The following FNDC3B variants were observed in gnomAD, a reference collection of about 807,000 sequenced individuals.
FNDC3B encodes fibronectin type III domain-containing protein 3B.
A neutral mutation model predicts 151.5 loss-of-function variants in FNDC3B; 12 were observed. That is an observed-to-expected ratio of 0.08 (90% confidence interval 0.05 to 0.13). FNDC3B has a LOEUF of 0.13. FNDC3B is among the 10% of genes least tolerant of loss of function. The pLI is 1.00. For synonymous variants in FNDC3B, 528 were observed against 549.0 expected (o/e 0.96, Z 0.54); for missense variants, 1,214 against 1,505.3 (o/e 0.81, Z 3.20).
In FNDC3B at chr3:172,401,652, CAG is replaced by C. The variant is rs1317002954; in HGVS notation, c.*4178_*4179del. 4 of 152,204 alleles carry C rather than the reference CAG, an allele frequency of 2.6e-5. No individual in the cohort carries two copies. The highest frequency in any genetic ancestry group is 9.7e-5 in the African/African-American group (4 of 41,436). The allele number at this position is 152,204 out of a possible 1,614,324, so 9.4% of individuals were successfully genotyped here. A position where few individuals can be genotyped will look rare whatever the true frequency, so the allele number is the denominator to read the frequency against. ...CAACAACAACAACAGCAATAAAACA[CAG>C]TGTTCCTGCTATGGCCATGGTTTTG... On this transcript the variant is annotated 3_prime_UTR_variant, in exon 26 of 26. Coordinates refer to ENST00000415807, the MANE Select transcript of FNDC3B (RefSeq NM_022763.4).
At chr3:172,326,227 TTTG>T (rs1732334953) in intron 11 of FNDC3B, among the ~76,000 whole-genome samples, 1 of 152,256 alleles carries the variant, frequency 6.6e-6, no homozygotes, top group African/African-American at 2.4e-5. Context: ...TTCCCTTGTT[TTTG>T]TTTTATTCTC....
intron 9 of FNDC3B, 22 bp from the exon 10 acceptor site, chr3:172,307,341 A>C (rs1316085715): frequency 6.8e-6 from 11 of 1,613,646 alleles, no homozygotes; most frequent in Non-Finnish European, 9.3e-6. Context: ...ACTGCCACTG[A>C]CTGTGTCTGT....
At chr3:172,099,351 T>C (rs1308913425) in intron 1 of FNDC3B, among the ~76,000 whole-genome samples, 1 of 152,102 alleles carries the variant, frequency 6.6e-6, no homozygotes, top group Non-Finnish European at 1.5e-5. Flanking sequence ...CCCTAGAAAA[T>C]ACTAGATCAA....
intron 3 of FNDC3B, among the ~76,000 whole-genome samples, chr3:172,148,059 C>A (rs964405869): frequency 1.3e-5 from 2 of 151,954 alleles, no homozygotes; most frequent in Non-Finnish European, 2.9e-5. Flanking sequence ...TGTTTGTAGT[C>A]TTTCAGTTTC....
intron 6 of FNDC3B, among the ~76,000 whole-genome samples, chr3:172,276,707 G>T (rs920083966): frequency 2.6e-5 from 4 of 152,164 alleles, no homozygotes; most frequent in Non-Finnish European, 5.9e-5. Context: ...AAGTATATCT[G>T]TAAACAATTC....
intron 23 of FNDC3B, among the ~76,000 whole-genome samples, chr3:172,371,197 T>G (rs1420736522): frequency 6.6e-6 from 1 of 150,790 alleles, no homozygotes; most frequent in Non-Finnish European, 1.5e-5. Context: ...CCTACGCACA[T>G]CCTCCTGTAT....
intron 3 of FNDC3B, among the ~76,000 whole-genome samples, chr3:172,191,234 C>G (rs1437191115): frequency 6.6e-6 from 1 of 152,040 alleles, no homozygotes; most frequent in Non-Finnish European, 1.5e-5. Flanking sequence ...TGCACGTGCT[C>G]ATGATTTTTA....
chr3:172,225,572 TCATCCACCTTATTGTATCTCAGGA>T (rs1282861652), intron 3 of FNDC3B: 1 of 161,182 alleles, frequency 6.2e-6, no homozygotes, highest in African/African-American at 2.4e-5. Context: ...TTTGCTGTTG[TCATCCACCTTATTGTATCTCAGGA>T]CATCCAGCTT....
chr3:172,346,503 C>A, intron 20 of FNDC3B, 63 bp downstream of exon 20: 8 of 950,808 alleles, frequency 8.4e-6, no homozygotes, highest in Non-Finnish European at 1.1e-5. Flanking sequence ...ATACAAATAC[C>A]AATTATAAGG....
chr3:172,293,316 G>A (rs1360946910), intron 7 of FNDC3B, among the ~76,000 whole-genome samples: 1 of 152,164 alleles, frequency 6.6e-6, no homozygotes, highest in East Asian at 1.9e-4. Context: ...CAGCATCGTG[G>A]TGCAGATGGG....
chr3:172,091,862 G>A (rs1011562064), intron 1 of FNDC3B, among the ~76,000 whole-genome samples: 1 of 145,288 alleles, frequency 6.9e-6, no homozygotes, highest in Non-Finnish European at 1.5e-5. Flanking sequence ...ACAGTGCCCT[G>A]ACTTTACTGG....
intron 1 of FNDC3B, among the ~76,000 whole-genome samples, chr3:172,102,557 C>A (rs1719425741): frequency 6.6e-6 from 1 of 152,134 alleles, no homozygotes; most frequent in Non-Finnish European, 1.5e-5. Flanking sequence ...ACTTAAGCAG[C>A]CATATCATTC....
chr3:172,270,458 C>T (rs1729144108), intron 6 of FNDC3B, among the ~76,000 whole-genome samples: 2 of 152,180 alleles, frequency 1.3e-5, no homozygotes, highest in African/African-American at 4.8e-5. Context: ...ACATGTGGGG[C>T]CCATTCTGCC....
At chr3:172,312,573 C>T (rs772581604) in intron 11 of FNDC3B, among the ~76,000 whole-genome samples, 23 of 151,364 alleles carry the variant, frequency 1.5e-4, no homozygotes, top group Non-Finnish European at 2.9e-4. Flanking sequence ...TCTCATGTCT[C>T]GAGGTTCACC....
At chr3:172,261,554 C>G (rs933996037) in intron 6 of FNDC3B, among the ~76,000 whole-genome samples, 4 of 152,194 alleles carry the variant, frequency 2.6e-5, no homozygotes, top group Non-Finnish European at 4.4e-5. Context: ...CAACCAGACA[C>G]ACAGTGTAGC....
intron 3 of FNDC3B, among the ~76,000 whole-genome samples, chr3:172,210,204 G>A (rs1725660796): frequency 2.0e-5 from 3 of 152,106 alleles, no homozygotes; most frequent in South Asian, 2.1e-4. Context: ...CCAGCTCCAC[G>A]AAGCCGCCCC....
At chr3:172,289,250 C>T (rs1049371701) in intron 7 of FNDC3B, among the ~76,000 whole-genome samples, 4 of 152,184 alleles carry the variant, frequency 2.6e-5, no homozygotes, top group Admixed American at 6.5e-5. Flanking sequence ...CCATATTCCC[C>T]CAGCTTCTGC....
intron 6 of FNDC3B, among the ~76,000 whole-genome samples, chr3:172,266,598 C>T (rs375963587): frequency 1.3e-3 from 196 of 152,318 alleles, no homozygotes; most frequent in African/African-American, 4.1e-3. Flanking sequence ...GAGCTCCCTC[C>T]GGAGGCTCTA....
chr3:172,114,788 C>G (rs1183959390), intron 2 of FNDC3B, among the ~76,000 whole-genome samples: 1 of 152,002 alleles, frequency 6.6e-6, no homozygotes, highest in Non-Finnish European at 1.5e-5. Context: ...AAAGCTTTCT[C>G]TAAAGCTAAT....
Sources: gnomAD v4.1 joint callset for allele counts (sites outside exome capture counted in the v4.1 genomes callset) on GRCh38, gnomAD v4.1.1 for gene constraint, MANE v1.5 for transcripts, NCBI Gene and HGNC (gene_info 2026-07-23, HGNC 2026-07-21) for gene names.